STK39: variants seen among roughly 807,000 people sequenced by gnomAD.
The protein encoded by STK39 is STE20/SPS1-related proline-alanine-rich protein kinase.
A neutral mutation model predicts 77.8 loss-of-function variants in STK39; 20 were observed. The observed-to-expected ratio is 0.26, with a 90% CI of 0.18 to 0.37. The LOEUF is 0.37. Ranked by LOEUF, STK39 falls within the 10% of genes least tolerant of loss-of-function variation. The pLI is 1.00. For missense variants in STK39, 479 were observed against 656.5 expected, an observed-to-expected ratio of 0.73 and a Z score of 2.95; for synonymous variants, 246 against 234.1, an observed-to-expected ratio of 1.05 and a Z score of -0.47.
chr2:168,032,372 C>A (rs11680824), intron 14 of STK39, among the ~76,000 whole-genome samples: 96,345 of 152,062 alleles, frequency 0.63, 31,996 homozygotes, highest in Non-Finnish European at 0.74. Flanking sequence ...GAATAAGCAA[C>A]ACCCAGGGGT....
chr2:168,174,739 G>T (rs143202966), intron 2 of STK39, among the ~76,000 whole-genome samples: 1 of 150,172 alleles, frequency 6.7e-6, no homozygotes. Context: ...GCATGCACCT[G>T]TAATGACAAC....
intron 10 of STK39, among the ~76,000 whole-genome samples, chr2:168,102,297 C>T: frequency 6.6e-6 from 1 of 152,208 alleles, no homozygotes; most frequent in East Asian, 1.9e-4. Flanking sequence ...AGTTCTTCCA[C>T]ATCCTCAGCA....
At chr2:168,011,415 CTAAG>C (rs750998452) in intron 16 of STK39, among the ~76,000 whole-genome samples, 41 of 151,866 alleles carry the variant, frequency 2.7e-4, no homozygotes, top group Non-Finnish European at 5.1e-4. Flanking sequence ...ATATATTCCC[CTAAG>C]TAATACATTA....
chr2:168,083,524 A>G (rs893569796), intron 10 of STK39, among the ~76,000 whole-genome samples: 2 of 152,166 alleles, frequency 1.3e-5, no homozygotes, highest in African/African-American at 4.8e-5. Context: ...CATTTAAGCT[A>G]GAAATTTTTT....
In STK39 at chr2:168,224,194, T is replaced by C. The variant is rs568516787; in HGVS notation, c.208+23034A>G. ...AAAATAGAAAAGAATAGGAAATTCT[T>C]AAACTAAAAAAACAAACAACAAAAA... On this transcript the variant is annotated intron_variant, in intron 1 of 17. Coordinates refer to ENST00000355999, the MANE Select transcript of STK39 (RefSeq NM_013233.3). 2.7e-4 allele frequency among the ~76,000 whole-genome samples: 41 copies of C among 151,936 alleles called. 1 individual carries two copies. Among genetic ancestry groups the C allele is most frequent in the Non-Finnish European group, 4.6e-4 (31 of 67,952 alleles).
intron 14 of STK39, among the ~76,000 whole-genome samples, chr2:168,045,880 G>A (rs962191201): frequency 3.3e-5 from 5 of 152,112 alleles, no homozygotes; most frequent in African/African-American, 7.2e-5. Flanking sequence ...GAACCCTCAC[G>A]AGTTACTGGT....
At chr2:168,228,719 G>T (rs974718936) in intron 1 of STK39, among the ~76,000 whole-genome samples, 2 of 152,112 alleles carry the variant, frequency 1.3e-5, no homozygotes, top group Non-Finnish European at 2.9e-5. Flanking sequence ...GAACCAGGAG[G>T]CAGAGGTTGC....
chr2:168,141,329 T>C (rs1687974663), intron 5 of STK39, among the ~76,000 whole-genome samples: 1 of 152,222 alleles, frequency 6.6e-6, no homozygotes, highest in Non-Finnish European at 1.5e-5. Flanking sequence ...TATACTAAAC[T>C]AGTTAAGTAC....
At chr2:168,022,268 C>T (rs1437001990) in intron 14 of STK39, among the ~76,000 whole-genome samples, 1 of 152,176 alleles carries the variant, frequency 6.6e-6, no homozygotes, top group African/African-American at 2.4e-5. Flanking sequence ...AAATAAATGT[C>T]TAGAGGTGAA....
At chr2:168,160,750 C>G (rs908616592) in intron 5 of STK39, among the ~76,000 whole-genome samples, 7 of 152,098 alleles carry the variant, frequency 4.6e-5, no homozygotes, top group African/African-American at 1.4e-4. Context: ...TGGGGCTGGA[C>G]AGTTTGAAAT....
rs548609409 is a variant in STK39, at chr2:167,984,015, C to T, written c.1499-19289G>A. On this transcript the variant is annotated intron_variant, in intron 16 of 17. Transcript: ENST00000355999. ...TGGGGGTCAAGATTGGGGAGGTGAG[C>T]GGGATGGCATGGTGAGTGGTTGCAT... Among the ~76,000 whole-genome samples, 50 of 152,114 alleles carry T rather than the reference C, an allele frequency of 3.3e-4. 1 individual carries two copies. Among genetic ancestry groups the T allele is most frequent in the Middle Eastern group, 3.4e-3 (1 of 292 alleles).
At chr2:168,169,749 G>A (rs1298559920) in intron 2 of STK39, among the ~76,000 whole-genome samples, 2 of 151,790 alleles carry the variant, frequency 1.3e-5, no homozygotes, top group Non-Finnish European at 2.9e-5. Flanking sequence ...ACACCATCTG[G>A]ACATTAAAAG....
intron 10 of STK39, among the ~76,000 whole-genome samples, chr2:168,089,260 C>T (rs1330494640): frequency 1.3e-5 from 2 of 152,234 alleles, no homozygotes; most frequent in Admixed American, 6.5e-5. Context: ...CAACATTCTC[C>T]CTGCCTTCTT....
rs114722185 is a variant in STK39 at position 168,068,890 on chromosome 2, C to T, written c.1243-3509G>A. 1.5e-3 allele frequency among the ~76,000 whole-genome samples: 224 copies of T among 152,268 alleles called. 2 individuals carry two copies. Among genetic ancestry groups the T allele is most frequent in the African/African-American group, 5.1e-3 (213 of 41,546 alleles). On this transcript the variant is annotated intron_variant, in intron 12 of 17. Transcript: ENST00000355999. ...TAGAACAAACACGTTTGACAGCTCA[C>T]AGGCATTTGGAAAACATGTTTTCGT...
At chr2:168,012,207 G>A (rs1190307415) in intron 16 of STK39, among the ~76,000 whole-genome samples, 8 of 150,404 alleles carry the variant, frequency 5.3e-5, no homozygotes, top group Non-Finnish European at 1.2e-4. Flanking sequence ...TTTTTGAGCC[G>A]TAGTTTCACT....
rs183388532 is a variant in STK39 at position 168,183,274 on chromosome 2, A to G, written c.209-1184T>C. Among the ~76,000 whole-genome samples the G allele has an allele frequency of 1.7e-4, 26 of 152,250 alleles. No homozygotes were observed. The East Asian group carries it at 5.0e-3, about 29-fold the overall frequency. On this transcript the variant is annotated intron_variant, in intron 1 of 17. Transcript: ENST00000355999. ...CTACTCCTCCAAACCCAGGTCTCCA[A>G]CTTAAAGACTACCATTCCAGGGAAG...
intron 14 of STK39, among the ~76,000 whole-genome samples, chr2:168,060,182 A>G (rs1574429860): frequency 6.6e-6 from 1 of 152,174 alleles, no homozygotes; most frequent in Admixed American, 6.5e-5. Flanking sequence ...TGAGTTCACA[A>G]ATATGAAAAG....
intron 1 of STK39, among the ~76,000 whole-genome samples, chr2:168,210,187 C>G (rs1218540134): frequency 6.6e-6 from 1 of 152,174 alleles, no homozygotes; most frequent in Admixed American, 6.5e-5. Context: ...TATGTGCTTA[C>G]TTCTTTTGAG....
At chr2:168,204,250 C>T (rs1329291979) in intron 1 of STK39, among the ~76,000 whole-genome samples, 2 of 152,238 alleles carry the variant, frequency 1.3e-5, no homozygotes, top group East Asian at 1.9e-4. Context: ...TGCCGCACCC[C>T]GTGGGACAGG....
Sources: gnomAD v4.1 joint callset for allele counts (sites outside exome capture counted in the v4.1 genomes callset) on GRCh38, gnomAD v4.1.1 for gene constraint, MANE v1.5 for transcripts, NCBI Gene and HGNC (gene_info 2026-07-23, HGNC 2026-07-21) for gene names.